Variants in FANCA observed in about 807,000 individuals in gnomAD.
FANCA encodes the protein FA complementation group A.
In FANCA, 236 loss-of-function variants were observed where a neutral mutation model predicts 194.3. That is an observed-to-expected ratio of 1.21 (90% CI 1.09 to 1.35). The LOEUF (loss-of-function observed/expected upper bound fraction) is 1.35. Among genes scored for constraint, FANCA ranks in the 40% most tolerant of loss-of-function variants. The pLI, the probability that FANCA is intolerant of heterozygous loss-of-function variation, is 0.00. For synonymous variants in FANCA, 1,014 were observed against 715.8 expected, an observed-to-expected ratio of 1.42 and a Z score of -6.65; for missense variants, 2,628 against 1,813.9, an observed-to-expected ratio of 1.45 and a Z score of -8.15.
chr16:89,738,022 TACC>T lies in FANCA; in HGVS notation c.*576_*578del. 6.2e-7 allele frequency: 1 copy of T among 1,614,106 alleles called. No homozygotes were observed. Among genetic ancestry groups the T allele is most frequent in the Non-Finnish European group, 8.5e-7 (1 of 1,180,030 alleles). ...GTGCAGGCAGCGGGCATCCCTCAAGTACCACATGACCAAACACAAGGCTGAGAC... is the reference window on the plus strand; with the variant it reads ...GTGCAGGCAGCGGGCATCCCTCAAGTACATGACCAAACACAAGGCTGAGAC... On this transcript the variant is annotated 3_prime_UTR_variant, in exon 43 of 43. Transcript: ENST00000389301.
Position 89,740,817 on chromosome 16 carries a change from T to A in FANCA, c.3815A>T (p.His1272Leu), listed in dbSNP as rs1242851513. 3 of 1,613,598 alleles carry A rather than the reference T, an allele frequency of 1.9e-6. No individual in the cohort carries two copies. Among genetic ancestry groups the A allele is most frequent in the Non-Finnish European group, 2.5e-6 (3 of 1,179,762 alleles). The change falls in exon 38 of 43, where the codon CAT becomes CTT. Residue 1272 changes from histidine to leucine, a missense_variant. Transcript: ENST00000389301. Reference sequence around the variant, plus strand: ...GGTCTGACTTACATTTGAGGTCAGATGTGACGACAGCAGGCCCATCAAGGA... The same window carrying A: ...GGTCTGACTTACATTTGAGGTCAGAAGTGACGACAGCAGGCCCATCAAGGA... Reference protein sequence around the residue: ...FFSLMGLLSSHLTSNSTTDLP... With the variant: ...FFSLMGLLSSLLTSNSTTDLP...
chr16:89,776,164 T>C (rs967938927), intron 20 of FANCA, among the ~76,000 whole-genome samples: 7 of 90,852 alleles, frequency 7.7e-5, no homozygotes, highest in African/African-American at 3.1e-4. Context: ...TTTTTCTTTT[T>C]TTTTTTTTTT....
At chr16:89,782,019 G>A (rs953016055) in intron 17 of FANCA, among the ~76,000 whole-genome samples, 2 of 150,610 alleles carry the variant, frequency 1.3e-5, no homozygotes, top group Non-Finnish European at 1.5e-5. Context: ...AAAAAAAAAA[G>A]AATGTTTTCA....
chr16:89,785,112 T>C (rs1310802669), intron 14 of FANCA, 148 bp from the exon 15 acceptor site: 4 of 710,556 alleles, frequency 5.6e-6, no homozygotes, highest in East Asian at 2.7e-5. Flanking sequence ...GAGAGAAGAG[T>C]GTGAAGCCCA....
intron 23 of FANCA, 112 bp downstream of exon 23, chr16:89,771,566 C>T: frequency 7.8e-7 from 1 of 1,275,174 alleles, no homozygotes; most frequent in Non-Finnish European, 1.1e-6. Flanking sequence ...TCTGATACGA[C>T]ACTAACTGAG....
intron 30 of FANCA, among the ~76,000 whole-genome samples, chr16:89,753,875 C>T (rs921894761): frequency 2.6e-5 from 4 of 152,052 alleles, no homozygotes; most frequent in South Asian, 2.1e-4. Context: ...GCCAATGTGG[C>T]GAAACCCTAT....
intron 17 of FANCA, among the ~76,000 whole-genome samples, chr16:89,782,222 A>T (rs879894869): frequency 4.0e-5 from 6 of 150,784 alleles, no homozygotes; most frequent in South Asian, 2.1e-4. Context: ...AAAAAAAATT[A>T]AAAAATTAGC....
At chr16:89,791,023 GT>G (rs11355118) in intron 14 of FANCA, 19,170 of 94,742 alleles carry the variant, frequency 0.2, 1,747 homozygotes, top group Admixed American at 0.25. Context: ...GTGTGTGTGT[GT>G]TTTTTTTTTT....
At chr16:89,758,209 G>A (rs981626583) in intron 30 of FANCA, among the ~76,000 whole-genome samples, 1 of 152,198 alleles carries the variant, frequency 6.6e-6, no homozygotes, top group African/African-American at 2.4e-5. Context: ...ACCGATGCAG[G>A]AAGCTTGGCT....
In FANCA at chr16:89,810,688, T is replaced by C; in HGVS notation, c.522+19A>G. The C allele has an allele frequency of 6.7e-7, 1 of 1,491,460 alleles. No individual in the cohort carries two copies. The highest frequency in any genetic ancestry group is 9.4e-7 in the Non-Finnish European group (1 of 1,068,968). The allele number at this position is 1,491,460 out of a possible 1,614,324, so 92.4% of individuals were successfully genotyped here. ...TTGCCTGGAACACTGGAGAGTCAGA[T>C]TTGCAATCTCAAATTTACCTGTATT... On this transcript the variant is annotated intron_variant, in intron 5 of 42. Coordinates refer to ENST00000389301, the MANE Select transcript of FANCA (RefSeq NM_000135.4).
chr16:89,775,982 T>G lies in FANCA; in HGVS notation c.1827-167A>C, dbSNP rs1029198763. On this transcript the variant is annotated intron_variant, in intron 20 of 42. Transcript: ENST00000389301. ...ACAAAAAAATATTAAAAAATATATA[T>G]AGATTTAAAAAGCACTGTTTCAAAA... 5.3e-5 allele frequency among the ~76,000 whole-genome samples: 8 copies of G among 151,580 alleles called. No homozygotes were observed. In the East Asian group the frequency reaches 1.5e-3, roughly 29 times the overall value.
Position 89,764,887 on chromosome 16 carries a change from T to G in FANCA, c.2778+3A>C, listed in dbSNP as rs757261567. The G allele has an allele frequency of 1.2e-6, 2 of 1,613,750 alleles. No homozygotes were observed. Among genetic ancestry groups the G allele is most frequent in the South Asian group, 2.2e-5 (2 of 91,042 alleles). On this transcript the variant is annotated splice_donor_region_variant and intron_variant, in intron 28 of 42. Transcript: ENST00000389301. ...TGATGCAGGAGAAGGAACGGTCACC[T>G]ACGTGAACATCTTCCTCTTTCAACA...
chr16:89,804,278 G>A (rs1456428639), intron 7 of FANCA, among the ~76,000 whole-genome samples: 1 of 152,044 alleles, frequency 6.6e-6, no homozygotes, highest in Non-Finnish European at 1.5e-5. Flanking sequence ...GTAGTGGGAT[G>A]GGTCTCCCAG....
chr16:89,739,445 C>A lies in FANCA; in HGVS notation c.4010+33G>T, dbSNP rs769830774. The A allele has an allele frequency of 2.6e-6, 4 of 1,552,972 alleles. 1 individual carries two copies. The East Asian group carries it at 9.7e-5, about 38-fold the overall frequency. On this transcript the variant is annotated intron_variant, in intron 40 of 42. Transcript: ENST00000389301. Reference sequence around the variant, plus strand: ...TGAGATGGGGGTCTGGGAAACACTGCCCAGCCCTGACCAGCCCTGTGGGTG... The same window carrying A: ...TGAGATGGGGGTCTGGGAAACACTGACCAGCCCTGACCAGCCCTGTGGGTG...
chr16:89,799,339 A>G, intron 9 of FANCA, 107 bp from the exon 10 acceptor site: 3 of 1,276,804 alleles, frequency 2.3e-6, no homozygotes, highest in Non-Finnish European at 3.4e-6. Context: ...AACCCCCCAG[A>G]GGGCCCACAT....
At chr16:89,813,028 G>C (rs555762492) in intron 3 of FANCA, among the ~76,000 whole-genome samples, 1 of 98,908 alleles carries the variant, frequency 1.0e-5, no homozygotes, top group South Asian at 4.6e-4. Context: ...GCAACACTTC[G>C]TCTCAAAAAA....
In FANCA at chr16:89,764,951, G is replaced by T; in HGVS notation, c.2717C>A (p.Ala906Asp). 1.2e-6 allele frequency: 2 copies of T among 1,614,180 alleles called. No individual in the cohort carries two copies. The highest frequency in any genetic ancestry group is 1.7e-6 in the Non-Finnish European group (2 of 1,179,986). Residue 906 changes from alanine to aspartate, a missense_variant, in exon 28 of 43, where the codon GCT (alanine) becomes GAT (aspartate). Physicochemically the swap from Ala to Asp is moderately radical, Grantham distance 126. Transcript: ENST00000389301. Reference sequence around the variant, plus strand: ...TCTGTGTGTCCAGAGAGAGAGGGCAGCTCTCTGCCAGTCTGCAGAAGGAAG... The same window carrying T: ...TCTGTGTGTCCAGAGAGAGAGGGCATCTCTCTGCCAGTCTGCAGAAGGAAG... ...LHLPSADWQR[A>D]ALSLWTHRTF...
intron 18 of FANCA, among the ~76,000 whole-genome samples, chr16:89,779,483 C>T (rs987979119): frequency 2.0e-5 from 3 of 152,184 alleles, no homozygotes. Flanking sequence ...CATGGCCCCA[C>T]TGCCTTCCCT....
At position 89,742,780 on chromosome 16, in the gene FANCA, A is replaced by T; in HGVS notation, c.3765+20T>A. On this transcript the variant is annotated intron_variant, in intron 37 of 42. Coordinates refer to ENST00000389301, the MANE Select transcript of FANCA (RefSeq NM_000135.4). ...CAAGCTTGCGAGAAAATAAATCAGT[A>T]AAAGAATTTCCTATCTTGCCTCCTC... 1 of 1,613,714 alleles carries T rather than the reference A, an allele frequency of 6.2e-7. No homozygotes were observed. Among genetic ancestry groups the T allele is most frequent in the South Asian group, 1.1e-5 (1 of 91,008 alleles).
Sources: allele counts gnomAD v4.1 joint callset (sites outside exome capture counted in the v4.1 genomes callset), GRCh38; gene constraint gnomAD v4.1.1; transcripts MANE v1.5; gene names NCBI Gene and HGNC (gene_info 2026-07-23, HGNC 2026-07-21).